The following SGSM1 variants were observed in gnomAD, a reference collection of about 807,000 sequenced individuals.
SGSM1 encodes the protein small G protein signaling modulator 1.
A neutral mutation model predicts 133.8 loss-of-function variants in SGSM1; 73 were observed. The observed-to-expected ratio is 0.55, with a 90% CI of 0.45 to 0.66. The LOEUF is 0.66. SGSM1 is among the 30% of genes least tolerant of loss of function. SGSM1 has a pLI of 0.00. For synonymous variants in SGSM1, 563 were observed against 573.0 expected (o/e 0.98, Z 0.25); for missense variants, 1,213 against 1,448.1 (o/e 0.84, Z 2.64).
chr22:24,924,238 C>T lies in SGSM1; in HGVS notation c.3246C>T (p.Leu1082=), dbSNP rs751012612. 5 of 1,613,850 alleles carry T rather than the reference C, an allele frequency of 3.1e-6. No individual in the cohort carries two copies. The highest frequency in any genetic ancestry group is 2.2e-5 in the East Asian group (1 of 44,884). Residue 1082 remains leucine, a synonymous_variant, in exon 25 of 25, where the codon CTC becomes CTT. Coordinates refer to ENST00000400358, the MANE Select transcript of SGSM1 (RefSeq NM_001098497.3). ...AAGTCCTGAAGCTGGCGCGGGACCT[C>T]GTGTACAAGGTGCAGACTCTGATTG... ...TKQVLKLARD[L]VYKVQTLIEN... is the part of the protein sequence containing the mutation.
intron 2 of SGSM1, among the ~76,000 whole-genome samples, chr22:24,831,417 C>T (rs908145930): frequency 1.3e-5 from 2 of 152,094 alleles, no homozygotes; most frequent in South Asian, 2.1e-4. Flanking sequence ...TGGATGTGCA[C>T]CTCCCGGGAA....
chr22:24,865,904 C>T (rs1437124089), intron 9 of SGSM1, among the ~76,000 whole-genome samples: 1 of 151,514 alleles, frequency 6.6e-6, no homozygotes, highest in South Asian at 2.1e-4. Flanking sequence ...CAGGAATGGG[C>T]GGCACTAGTA....
intron 24 of SGSM1, among the ~76,000 whole-genome samples, chr22:24,920,196 AG>A (rs1167137666): frequency 2.6e-5 from 4 of 152,162 alleles, no homozygotes; most frequent in Non-Finnish European, 5.9e-5. Context: ...GGGATCTGGC[AG>A]GGGGACCACA....
intron 2 of SGSM1, among the ~76,000 whole-genome samples, chr22:24,818,161 G>A (rs1329968795): frequency 6.6e-6 from 1 of 151,298 alleles, no homozygotes; most frequent in Non-Finnish European, 1.5e-5. Context: ...CAACCCAGGA[G>A]GCAGAGGTAG....
chr22:24,918,185 G>C (rs73157935), intron 23 of SGSM1, among the ~76,000 whole-genome samples: 2 of 152,118 alleles, frequency 1.3e-5, no homozygotes, highest in Non-Finnish European at 2.9e-5. Flanking sequence ...CTATTGTTCA[G>C]ATTTGGGGTG....
At chr22:24,920,477 C>T (rs1011198939) in intron 24 of SGSM1, among the ~76,000 whole-genome samples, 24 of 152,186 alleles carry the variant, frequency 1.6e-4, no homozygotes, top group African/African-American at 4.6e-4. Flanking sequence ...AGTGACTTCA[C>T]GTCTCTAGGC....
chr22:24,855,292 C>T lies in SGSM1; in HGVS notation c.531C>T (p.Pro177=). Residue 177 remains proline (P), a synonymous_variant, in exon 7 of 25, where the codon CCC becomes CCT. Transcript: ENST00000400358. ...CCCCCACATGCCCCTCAGTGGGGCC[C>T]TGTGCCCTAGAGTACACCAAGATGA... ...GPILASLLVG[P]CALEYTKMKT... is the part of the protein sequence containing the mutation. 1.2e-6 allele frequency: 2 copies of T among 1,610,604 alleles called. No homozygotes were observed. The highest frequency in any genetic ancestry group is 1.7e-6 in the Non-Finnish European group (2 of 1,178,414).
At chr22:24,811,588 G>A (rs1256111060) in intron 2 of SGSM1, among the ~76,000 whole-genome samples, 4 of 152,198 alleles carry the variant, frequency 2.6e-5, no homozygotes, top group East Asian at 3.9e-4. Flanking sequence ...ATTCCTGGCC[G>A]GGCACTGTGG....
intron 2 of SGSM1, among the ~76,000 whole-genome samples, chr22:24,820,035 G>T (rs1456464910): frequency 6.6e-6 from 1 of 152,008 alleles, no homozygotes; most frequent in African/African-American, 2.4e-5. Context: ...GAAGCCAGAC[G>T]CAAGCAGTGG....
intron 13 of SGSM1, among the ~76,000 whole-genome samples, chr22:24,877,444 C>T (rs1490783012): frequency 6.6e-6 from 1 of 152,072 alleles, no homozygotes; most frequent in Non-Finnish European, 1.5e-5. Flanking sequence ...GCCCATAGAT[C>T]CTTTGTCTCT....
intron 5 of SGSM1, among the ~76,000 whole-genome samples, chr22:24,851,449 GGAGA>G (rs56956761): frequency 0.2 from 22,649 of 111,616 alleles, 2,061 homozygotes; most frequent in Middle Eastern, 0.27. Flanking sequence ...GGGGGTGGGG[GGAGA>G]GAGAGAGAGA....
intron 24 of SGSM1, among the ~76,000 whole-genome samples, chr22:24,922,793 G>A (rs1934060148): frequency 6.6e-6 from 1 of 152,196 alleles, no homozygotes; most frequent in Admixed American, 6.5e-5. Flanking sequence ...CTTACTTTCT[G>A]TTGCAGCAGC....
chr22:24,865,144 C>G (rs1343453797), intron 9 of SGSM1, among the ~76,000 whole-genome samples: 1 of 152,214 alleles, frequency 6.6e-6, no homozygotes, highest in Non-Finnish European at 1.5e-5. Context: ...CTGGTGGTAG[C>G]TTTGTTCACC....
rs781481191 is a variant in SGSM1, at chr22:24,815,232, G to A, written c.63+8748G>A. ...TAGCTGAGGTCCTGAGAGTTCAAGA[G>A]ACTTGGTGATGTTACCAAAATGCTG... On this transcript the variant is annotated intron_variant, in intron 2 of 24. Transcript: ENST00000400358. Among the ~76,000 whole-genome samples the A allele has an allele frequency of 7.9e-5, 12 of 152,302 alleles. No individual in the cohort carries two copies. In the South Asian group the frequency reaches 2.3e-3, roughly 29 times the overall value.
chr22:24,895,222 G>C lies in SGSM1; in HGVS notation c.1954-1G>C. The C allele has an allele frequency of 6.2e-7, 1 of 1,607,534 alleles. No homozygotes were observed. Among genetic ancestry groups the C allele is most frequent in the Non-Finnish European group, 8.5e-7 (1 of 1,177,396 alleles). On this transcript the variant is annotated splice_acceptor_variant, in intron 17 of 24. Coordinates refer to ENST00000400358, the MANE Select transcript of SGSM1 (RefSeq NM_001098497.3). LOFTEE classifies it high-confidence loss of function. The stretch of plus-strand genomic sequence containing the variant: ...CTCCCTCCTGCTCTTTCTTTTCTCA[G>C]TCCTCCCAGAGCTGCAGTTCGGGCC...
chr22:24,873,545 A>G (rs1769612301), intron 12 of SGSM1, among the ~76,000 whole-genome samples: 2 of 152,244 alleles, frequency 1.3e-5, no homozygotes, highest in South Asian at 4.2e-4. Context: ...AGGGAGAAAG[A>G]GTAGGCTCAG....
At chr22:24,922,973 CA>C (rs1238030275) in intron 24 of SGSM1, among the ~76,000 whole-genome samples, 1 of 152,100 alleles carries the variant, frequency 6.6e-6, no homozygotes, top group East Asian at 1.9e-4. Flanking sequence ...ACTAAAAATA[CA>C]AAAATTAGCC....
chr22:24,919,629 A>G (rs768337686), intron 23 of SGSM1, among the ~76,000 whole-genome samples, 197 bp from the exon 24 acceptor site: 11 of 152,290 alleles, frequency 7.2e-5, no homozygotes, highest in Middle Eastern at 3.4e-3. Flanking sequence ...CAGATGGGGA[A>G]AACTGAGGTT....
rs111954553 is a variant in SGSM1 at position 24,910,413 on chromosome 22, G to A, written c.2819-2230G>A. The stretch of plus-strand genomic sequence containing the variant: ...TCACACCTATAATCCTAGCACTTTG[G>A]GAGGCAGGAGGATTGCTTGAGATCA... On this transcript the variant is annotated intron_variant, in intron 21 of 24. Transcript: ENST00000400358. 7.7e-3 allele frequency among the ~76,000 whole-genome samples: 1,168 copies of A among 152,192 alleles called. 21 individuals are homozygous for A. The highest frequency in any genetic ancestry group is 0.027 in the African/African-American group (1,116 of 41,524).
Sources: gnomAD v4.1 joint callset for allele counts (sites outside exome capture counted in the v4.1 genomes callset) on GRCh38, gnomAD v4.1.1 for gene constraint, MANE v1.5 for transcripts, NCBI Gene and HGNC (gene_info 2026-07-23, HGNC 2026-07-21) for gene names.